Variants in DGKB observed in about 807,000 individuals in gnomAD.
DGKB encodes the protein 90 kDa diacylglycerol kinase.
Under a neutral mutation model 114.3 loss-of-function variants are expected in DGKB, and 67 were observed. The ratio of observed to expected loss-of-function variants is 0.59; its 90% CI spans 0.48 to 0.72. The LOEUF is 0.72. Ranked by LOEUF, DGKB falls within the 30% of genes least tolerant of loss-of-function variation. The pLI, the probability that DGKB is intolerant of heterozygous loss-of-function variation, is 0.00. For missense variants in DGKB, 907 were observed against 975.2 expected, an observed-to-expected ratio of 0.93 and a Z score of 0.93; for synonymous variants, 398 against 323.1, an observed-to-expected ratio of 1.23 and a Z score of -2.49.
intron 20 of DGKB, among the ~76,000 whole-genome samples, chr7:14,566,023 G>A (rs1033627546): frequency 3.3e-5 from 5 of 151,870 alleles, no homozygotes; most frequent in East Asian, 1.9e-4. Context: ...ACCAAGAGTC[G>A]CTTGTGTTGT....
intron 20 of DGKB, among the ~76,000 whole-genome samples, chr7:14,539,116 T>C (rs918338329): frequency 3.3e-5 from 5 of 152,068 alleles, no homozygotes; most frequent in African/African-American, 1.2e-4. Context: ...CACTTAAAAA[T>C]TGATCAGAGT....
chr7:14,887,267 A>G (rs140948822), intron 1 of DGKB, among the ~76,000 whole-genome samples: 262 of 151,936 alleles, frequency 1.7e-3, no homozygotes, highest in African/African-American at 5.8e-3. Context: ...TTGATCTGCA[A>G]TCATCTTGCT....
intron 19 of DGKB, among the ~76,000 whole-genome samples, chr7:14,577,598 A>C (rs1016300347): frequency 6.6e-6 from 1 of 151,782 alleles, no homozygotes; most frequent in East Asian, 1.9e-4. Flanking sequence ...GCCTGGGCCA[A>C]AGAGTGAGAC....
intron 13 of DGKB, among the ~76,000 whole-genome samples, chr7:14,644,081 G>A (rs1812413840): frequency 6.7e-6 from 1 of 149,394 alleles, no homozygotes; most frequent in Non-Finnish European, 1.5e-5. Context: ...CTAAACTACT[G>A]AGAAAATCAC....
intron 20 of DGKB, among the ~76,000 whole-genome samples, chr7:14,553,372 G>A (rs1795387794): frequency 6.6e-6 from 1 of 151,978 alleles, no homozygotes; most frequent in Non-Finnish European, 1.5e-5. Context: ...TACTAATTCC[G>A]TTTATCTTCT....
chr7:14,398,389 T>C (rs1450829437), intron 21 of DGKB, among the ~76,000 whole-genome samples: 1 of 152,080 alleles, frequency 6.6e-6, no homozygotes, highest in Non-Finnish European at 1.5e-5. Context: ...TATATGGTAC[T>C]AAAGGCATAA....
intron 4 of DGKB, among the ~76,000 whole-genome samples, chr7:14,748,045 A>G (rs1423451593): frequency 1.3e-5 from 2 of 152,216 alleles, no homozygotes; most frequent in Non-Finnish European, 2.9e-5. Flanking sequence ...GTATTCATCC[A>G]TGCAGATTCA....
intron 5 of DGKB, among the ~76,000 whole-genome samples, chr7:14,725,044 C>T (rs1202517078): frequency 6.6e-6 from 1 of 152,088 alleles, no homozygotes; most frequent in Non-Finnish European, 1.5e-5. Flanking sequence ...GGGTGGCATG[C>T]ATTTGTAGTC....
intron 20 of DGKB, among the ~76,000 whole-genome samples, chr7:14,485,917 C>T (rs1164118526): frequency 6.6e-6 from 1 of 151,534 alleles, no homozygotes; most frequent in Non-Finnish European, 1.5e-5. Context: ...ATAGGGACAC[C>T]TTTGTATGAA....
rs62443527 is a variant in DGKB, at chr7:14,565,298, T to C, written c.1770+8914A>G. Reference sequence around the variant, plus strand: ...AACAGCTAGAACCAACTGCCAGATATATGAGGGAGACCAGCATAGAATAGC... The same window carrying C: ...AACAGCTAGAACCAACTGCCAGATACATGAGGGAGACCAGCATAGAATAGC... On this transcript the variant is annotated intron_variant, in intron 20 of 25. Coordinates refer to ENST00000402815, the MANE Select transcript of DGKB (RefSeq NM_001350709.2). Among the ~76,000 whole-genome samples the C allele has an allele frequency of 5.6e-3, 860 of 152,226 alleles. 7 individuals are homozygous for C. Among genetic ancestry groups the C allele is most frequent in the Middle Eastern group, 0.02 (6 of 294 alleles).
intron 2 of DGKB, among the ~76,000 whole-genome samples, chr7:14,790,581 T>C (rs1464459205): frequency 6.6e-6 from 1 of 152,298 alleles, no homozygotes; most frequent in East Asian, 1.9e-4. Context: ...TTTCTAATAT[T>C]GAGCTCTTGT....
Position 14,772,055 on chromosome 7 carries a change from C to T in DGKB, c.71-14324G>A, listed in dbSNP as rs181097486. ...AATTTACCTAGAGCCTAGAAGCCCC[C>T]GGCTTTGAGCTGTCCCGCCTTTCTG... On this transcript the variant is annotated intron_variant, in intron 2 of 25. Transcript: ENST00000402815. Among the ~76,000 whole-genome samples the T allele has an allele frequency of 4.6e-3, 707 of 152,186 alleles. 1 individual carries two copies. Among genetic ancestry groups the T allele is most frequent in the Admixed American group, 9.0e-3 (138 of 15,252 alleles).
chr7:14,950,286 A>G (rs1786115176), intron 1 of DGKB, among the ~76,000 whole-genome samples: 1 of 151,848 alleles, frequency 6.6e-6, no homozygotes, highest in Admixed American at 6.6e-5. Context: ...ATAGCTGTAA[A>G]CTCCTACGTT....
chr7:14,313,897 A>G (rs1033391768), intron 23 of DGKB, among the ~76,000 whole-genome samples: 1 of 152,224 alleles, frequency 6.6e-6, no homozygotes, highest in Non-Finnish European at 1.5e-5. Flanking sequence ...ACAGCTTTGA[A>G]GAGAGCAGTG....
chr7:14,903,410 TAAGACAGGGGAGGAGACG>T (rs1783440417), upstream of DGKB: 1 of 152,290 alleles, frequency 6.6e-6, no homozygotes, highest in Non-Finnish European at 1.5e-5. Context: ...GGTCCAGTTA[TAAGACAGGGGAGGAGACG>T]GTGCAGGTGA....
rs546374132 is a variant in DGKB at position 14,302,763 on chromosome 7, G to A, written c.2122+35752C>T. Among the ~76,000 whole-genome samples the A allele has an allele frequency of 6.6e-5, 10 of 152,028 alleles. No individual in the cohort carries two copies. In the East Asian group the frequency reaches 1.7e-3, roughly 27 times the overall value. ...GAAAACCCAACAAATGCTCCATATCGCCTTGTTTATTTCCTTCATATTGGA... is the reference window on the plus strand; with the variant it reads ...GAAAACCCAACAAATGCTCCATATCACCTTGTTTATTTCCTTCATATTGGA... On this transcript the variant is annotated intron_variant, in intron 23 of 25. Coordinates refer to ENST00000402815, the MANE Select transcript of DGKB (RefSeq NM_001350709.2).
chr7:14,169,406 G>A (rs1780507329), intron 25 of DGKB, among the ~76,000 whole-genome samples: 1 of 149,966 alleles, frequency 6.7e-6, no homozygotes, highest in Non-Finnish European at 1.5e-5. Context: ...ATGAGTCCTA[G>A]ATAACTACTG....
chr7:14,578,669 T>G (rs1799511711), intron 19 of DGKB, among the ~76,000 whole-genome samples: 1 of 152,206 alleles, frequency 6.6e-6, no homozygotes, highest in African/African-American at 2.4e-5. Context: ...GTCTGCTCAC[T>G]TTATTATGCA....
At position 14,424,927 on chromosome 7, in the gene DGKB, GATGAGTT is replaced by G. The variant is rs1292825317; in HGVS notation, c.1835+53227_1835+53233del. Among the ~76,000 whole-genome samples, 3 of 152,076 alleles carry G rather than the reference GATGAGTT, an allele frequency of 2.0e-5. No homozygotes were observed. In the East Asian group the frequency reaches 5.8e-4, roughly 29 times the overall value. ...CCAATTGCCAGCCAAAGATAGATAAGATGAGTTCACTCTCCATTCTTCTGGGCTTTAT... is the reference window on the plus strand; with the variant it reads ...CCAATTGCCAGCCAAAGATAGATAAGCACTCTCCATTCTTCTGGGCTTTAT... On this transcript the variant is annotated intron_variant, in intron 21 of 25. Coordinates refer to ENST00000402815, the MANE Select transcript of DGKB (RefSeq NM_001350709.2).
Sources: gnomAD v4.1 joint callset for allele counts (sites outside exome capture counted in the v4.1 genomes callset) on GRCh38, gnomAD v4.1.1 for gene constraint, MANE v1.5 for transcripts, NCBI Gene and HGNC (gene_info 2026-07-23, HGNC 2026-07-21) for gene names.